FIGN: variants seen among roughly 807,000 people sequenced by gnomAD.
The protein encoded by FIGN is fidgetin, microtubule severing factor.
FIGN carries 11 observed loss-of-function variants against 51.3 expected under a neutral mutation model. That is an observed-to-expected ratio of 0.21 (90% CI 0.13 to 0.35). The LOEUF is 0.35. FIGN is among the 10% of genes least tolerant of loss of function. The pLI is 1.00. For synonymous variants in FIGN, 407 were observed against 363.2 expected (o/e 1.12, Z -1.37); for missense variants, 857 against 943.6 (o/e 0.91, Z 1.20).
intron 2 of FIGN, among the ~76,000 whole-genome samples, chr2:163,667,030 T>C (rs1292287863): frequency 3.9e-5 from 6 of 152,140 alleles, no homozygotes; most frequent in Non-Finnish European, 7.3e-5. Flanking sequence ...TGAATGCTAT[T>C]CCCATCTGAG....
At chr2:163,692,399 T>C (rs569139295) in intron 2 of FIGN, among the ~76,000 whole-genome samples, 61 of 152,348 alleles carry the variant, frequency 4.0e-4, no homozygotes, top group South Asian at 6.2e-4. Context: ...ATGATATTAA[T>C]GTATTTTCTT....
intron 2 of FIGN, among the ~76,000 whole-genome samples, chr2:163,733,765 G>A (rs543478370): frequency 1.3e-4 from 20 of 152,284 alleles, no homozygotes; most frequent in African/African-American, 4.8e-4. Flanking sequence ...CGCGCAACGG[G>A]TCTTGTAGTT....
intron 2 of FIGN, among the ~76,000 whole-genome samples, chr2:163,731,765 T>G (rs1684933456): frequency 6.6e-6 from 1 of 151,422 alleles, no homozygotes; most frequent in Non-Finnish European, 1.5e-5. Context: ...CCCTATAAAC[T>G]GTGTTTTTAG....
In FIGN at chr2:163,611,089, G is replaced by T. The variant is rs375057438; in HGVS notation, c.743C>A (p.Pro248Gln). 45 of 1,613,948 alleles carry T rather than the reference G, an allele frequency of 2.8e-5. No homozygotes were observed. The highest frequency in any genetic ancestry group is 4.0e-5 in the African/African-American group (3 of 74,914). ...GTSNLSSYSYPSASYPPQTAV... is the reference protein window; with the variant it reads ...GTSNLSSYSYQSASYPPQTAV... ...AGTCTGAGGAGGATAGCTAGCAGACGGATAGCTGTAACTGGAGAGGTTAGA... is the reference window on the plus strand; with the variant it reads ...AGTCTGAGGAGGATAGCTAGCAGACTGATAGCTGTAACTGGAGAGGTTAGA... The change falls in exon 3 of 3, where the codon CCG becomes CAG. Residue 248 changes from proline (P) to glutamine (Q), a missense_variant. Pro to Gln is a moderately conservative substitution (Grantham distance 76, BLOSUM62 -1). Transcript: ENST00000333129.
chr2:163,658,219 G>A (rs373076849), intron 2 of FIGN, among the ~76,000 whole-genome samples: 7 of 152,144 alleles, frequency 4.6e-5, no homozygotes, highest in African/African-American at 1.7e-4. Context: ...ACATCTCACA[G>A]GCCTGTCTGT....
At chr2:163,684,681 G>C (rs745578846) in intron 2 of FIGN, among the ~76,000 whole-genome samples, 1 of 152,126 alleles carries the variant, frequency 6.6e-6, no homozygotes, top group Non-Finnish European at 1.5e-5. Context: ...GAACCACAGG[G>C]CTTTATCAGT....
chr2:163,707,192 C>CA (rs1043140513), intron 2 of FIGN, among the ~76,000 whole-genome samples: 2 of 151,688 alleles, frequency 1.3e-5, no homozygotes, highest in African/African-American at 2.4e-5. Flanking sequence ...ACCAAAAATA[C>CA]AAAAAAATTA....
intron 2 of FIGN, among the ~76,000 whole-genome samples, chr2:163,680,179 A>T (rs1684039124): frequency 6.6e-6 from 1 of 152,216 alleles, no homozygotes; most frequent in South Asian, 2.1e-4. Context: ...GCATACAAAG[A>T]CAGTATTGGG....
intron 2 of FIGN, among the ~76,000 whole-genome samples, chr2:163,725,121 A>G (rs1684819800): frequency 6.6e-6 from 1 of 152,130 alleles, no homozygotes; most frequent in African/African-American, 2.4e-5. Context: ...TCCCTAATAT[A>G]AACCCTAATA....
At chr2:163,631,266 C>G (rs1215973414) in intron 2 of FIGN, among the ~76,000 whole-genome samples, 1 of 152,116 alleles carries the variant, frequency 6.6e-6, no homozygotes, top group African/African-American at 2.4e-5. Context: ...TCTATGCCTA[C>G]TATATATCAT....
At position 163,610,001 on chromosome 2, in the gene FIGN, T is replaced by G. The variant is rs1013794516; in HGVS notation, c.1831A>C (p.Met611Leu). Residue 611 changes from methionine to leucine, a missense_variant, in exon 3 of 3, where the codon ATG (methionine) becomes CTG (leucine). Around this residue, in one of 3 missense-constraint regions of FIGN, gnomAD observed 799 missense variants for 849.5 expected, o/e 0.94. Coordinates refer to ENST00000333129, the MANE Select transcript of FIGN (RefSeq NM_018086.4). ...PVSRMRTEFL[M>L]QLDTVLTSAE... ...GAAGTTAGTACAGTGTCCAGTTGCA[T>G]CAGAAATTCGGTTCTCATCCGACTG... is the stretch of plus-strand genomic sequence containing the variant. 1 of 1,613,998 alleles carries G rather than the reference T, an allele frequency of 6.2e-7. No homozygotes were observed.
At chr2:163,675,767 A>C (rs1360981039) in intron 2 of FIGN, among the ~76,000 whole-genome samples, 2 of 130,276 alleles carry the variant, frequency 1.5e-5, no homozygotes, top group Non-Finnish European at 3.1e-5. Flanking sequence ...AATTGTATGG[A>C]AACACTGCAC....
intron 2 of FIGN, among the ~76,000 whole-genome samples, chr2:163,670,521 T>C (rs1053762425): frequency 1.3e-5 from 2 of 152,236 alleles, no homozygotes; most frequent in Non-Finnish European, 2.9e-5. Flanking sequence ...CTAATTATTC[T>C]ACATGTCATC....
chr2:163,702,669 G>T (rs1344041915), intron 2 of FIGN, among the ~76,000 whole-genome samples: 1 of 152,090 alleles, frequency 6.6e-6, no homozygotes, highest in South Asian at 2.1e-4. Flanking sequence ...TGATTAAAAA[G>T]AAAAGAAAAA....
At chr2:163,653,903 A>AT (rs1411280486) in intron 2 of FIGN, among the ~76,000 whole-genome samples, 1 of 152,094 alleles carries the variant, frequency 6.6e-6, no homozygotes, top group African/African-American at 2.4e-5. Context: ...AAGCAATAGG[A>AT]TTTTTTAAAA....
chr2:163,709,273 T>C (rs144639410), intron 2 of FIGN, among the ~76,000 whole-genome samples: 46 of 152,270 alleles, frequency 3.0e-4, no homozygotes, highest in African/African-American at 1.1e-3. Context: ...AAAAGTAATA[T>C]TTAGCTATAG....
intron 2 of FIGN, among the ~76,000 whole-genome samples, chr2:163,716,964 AT>A (rs1684676963): frequency 6.6e-6 from 1 of 152,084 alleles, no homozygotes. Flanking sequence ...TGCTTTACAT[AT>A]TTACTACCCA....
intron 2 of FIGN, among the ~76,000 whole-genome samples, chr2:163,634,379 T>C (rs1207549120): frequency 6.6e-6 from 1 of 152,162 alleles, no homozygotes; most frequent in African/African-American, 2.4e-5. Context: ...CTACTAACTT[T>C]ATAGGAGTAA....
intron 2 of FIGN, among the ~76,000 whole-genome samples, chr2:163,687,522 C>T (rs1009156458): frequency 1.3e-5 from 2 of 152,152 alleles, no homozygotes; most frequent in Middle Eastern, 6.3e-3. Flanking sequence ...TACTAGACTT[C>T]ACTCCAAAAT....
Sources: gnomAD v4.1 joint callset for allele counts (sites outside exome capture counted in the v4.1 genomes callset) on GRCh38, gnomAD v4.1.1 for gene constraint, gnomAD v4.1.1 regional missense constraint, MANE v1.5 for transcripts, NCBI Gene and HGNC (gene_info 2026-07-23, HGNC 2026-07-21) for gene names.